Variants in SCN7A observed in about 807,000 individuals in gnomAD.
SCN7A encodes sodium voltage-gated channel alpha subunit 7.
A neutral mutation model predicts 155.2 loss-of-function variants in SCN7A; 138 were observed. The observed-to-expected ratio is 0.89, with a 90% confidence interval of 0.77 to 1.02. The LOEUF (loss-of-function observed/expected upper bound fraction) is 1.02. Among genes scored for constraint, SCN7A ranks in the 50% least tolerant of loss-of-function variants. The pLI, the probability that SCN7A is intolerant of heterozygous loss-of-function variation, is 0.00. For synonymous variants in SCN7A, 693 were observed against 649.0 expected (o/e 1.07, Z -1.03); for missense variants, 2,058 against 1,986.6 (o/e 1.04, Z -0.68).
At chr2:166,479,290 A>C (rs1702869021) in intron 2 of SCN7A, among the ~76,000 whole-genome samples, 4 of 152,152 alleles carry the variant, frequency 2.6e-5, no homozygotes, top group African/African-American at 4.8e-5. Context: ...TAAGATAAGT[A>C]TTTAATATTA....
chr2:166,415,279 C>T (rs1302441202), intron 21 of SCN7A, among the ~76,000 whole-genome samples: 2 of 147,976 alleles, frequency 1.4e-5, no homozygotes, highest in African/African-American at 2.5e-5. Flanking sequence ...GACTGGAGAG[C>T]AGTGGAATGA....
At chr2:166,443,423 T>C in intron 14 of SCN7A, 80 bp downstream of exon 14, 1 of 1,202,588 alleles carries the variant, frequency 8.3e-7, no homozygotes, top group South Asian at 1.4e-5. Flanking sequence ...GGGATAGGTA[T>C]TACTGTAACC....
chr2:166,418,921 TG>T (rs1701448943), intron 20 of SCN7A, among the ~76,000 whole-genome samples: 2 of 152,106 alleles, frequency 1.3e-5, no homozygotes, highest in Admixed American at 1.3e-4. Flanking sequence ...CTTCCAGAGG[TG>T]GAGATGAGGC....
chr2:166,482,463 C>G (rs1341568402), intron 2 of SCN7A, among the ~76,000 whole-genome samples: 1 of 151,700 alleles, frequency 6.6e-6, no homozygotes, highest in Non-Finnish European at 1.5e-5. Flanking sequence ...TTCATTTTGC[C>G]ACCCCCCAGC....
chr2:166,464,169 T>TC (rs1702476390), intron 9 of SCN7A, among the ~76,000 whole-genome samples: 1 of 150,054 alleles, frequency 6.7e-6, no homozygotes, highest in African/African-American at 2.4e-5. Flanking sequence ...CACATATGTG[T>TC]GTATATATAT....
At chr2:166,457,871 C>T (rs1358890133) in intron 10 of SCN7A, among the ~76,000 whole-genome samples, 3 of 151,924 alleles carry the variant, frequency 2.0e-5, no homozygotes, top group African/African-American at 7.3e-5. Flanking sequence ...TTTAAGGAAA[C>T]AAATGAGAAA....
Position 166,409,724 on chromosome 2 carries a change from A to G in SCN7A, c.3923T>C (p.Phe1308Ser), listed in dbSNP as rs1373411574. Reference sequence around the variant, plus strand: ...AATGTTCCACGCAATGGTGAAATAAAAACAACGGAAAGCGATGAGCTTCAG... The same window carrying G: ...AATGTTCCACGCAATGGTGAAATAAGAACAACGGAAAGCGATGAGCTTCAG... ...CILKLIAFRC[F>S]YFTIAWNIFD... The change falls in exon 25 of 26, where the codon TTT becomes TCT. Residue 1308 changes from phenylalanine to serine, a missense_variant. Coordinates refer to ENST00000643258, the MANE Select transcript of SCN7A (RefSeq NM_002976.4). 2 of 1,546,866 alleles carry G rather than the reference A, an allele frequency of 1.3e-6. No homozygotes were observed. The highest frequency in any genetic ancestry group is 1.7e-6 in the Non-Finnish European group (2 of 1,145,978).
At chr2:166,470,739 A>G (rs767398415) in intron 6 of SCN7A, 33 bp from the exon 7 acceptor site, 44 of 1,555,394 alleles carry the variant, frequency 2.8e-5, no homozygotes, top group Non-Finnish European at 3.6e-5. Flanking sequence ...CTTAAAAGTC[A>G]TATTACATCT....
At chr2:166,445,667 CG>C (rs1553517801) in intron 12 of SCN7A, among the ~76,000 whole-genome samples, 1 of 152,090 alleles carries the variant, frequency 6.6e-6, no homozygotes, top group Non-Finnish European at 1.5e-5. Flanking sequence ...CTAATCATCT[CG>C]GTGTGAGACA....
intron 21 of SCN7A, 94 bp downstream of exon 21, chr2:166,416,613 C>G: frequency 5.5e-6 from 6 of 1,100,768 alleles, no homozygotes; most frequent in Non-Finnish European, 7.7e-6. Flanking sequence ...ATTTTATAAC[C>G]AAATGTATTA....
rs148715564 is a variant in SCN7A at position 166,432,502 on chromosome 2, T to A, written c.2408A>T (p.Asp803Val). The change falls in exon 16 of 26, where the codon GAT (aspartate) becomes GTT (valine). Residue 803 changes from aspartate (D) to valine (V), a missense_variant. Physicochemically the swap from Asp to Val is radical, Grantham distance 152 (BLOSUM62 -3). Transcript: ENST00000643258. ...HTLSELSNTQDFLKDKEKSSG... is the reference protein window; with the variant it reads ...HTLSELSNTQVFLKDKEKSSG... ...GCTTTTTTCCTTATCTTTGAGAAAA[T>A]CTTGGGTGTTGCTCAATTCAGAAAG... 2.6e-3 allele frequency: 4,125 copies of A among 1,613,710 alleles called. 32 individuals carry two copies. Among genetic ancestry groups the A allele is most frequent in the Middle Eastern group, 0.025 (150 of 6,062 alleles).
chr2:166,426,849 T>C (rs1469027785), intron 18 of SCN7A, among the ~76,000 whole-genome samples: 1 of 152,016 alleles, frequency 6.6e-6, no homozygotes, highest in Non-Finnish European at 1.5e-5. Flanking sequence ...TCAATATGTG[T>C]GGTAAATAAC....
In SCN7A at chr2:166,441,425, G is replaced by A. The variant is rs2105433295; in HGVS notation, c.2128C>T (p.Leu710=). The change falls in exon 15 of 26, where the codon CTG becomes TTG. Residue 710 remains leucine, a synonymous_variant. Transcript: ENST00000643258. The part of the protein sequence containing the change: ...AGQSWCIPFY[L]MVILIGNLLV... Reference sequence around the variant, plus strand: ...AAATTTCCAATTAAAATGACCATCAGGTAAAAAGGAATACACCAGGATTGG... The same window carrying A: ...AAATTTCCAATTAAAATGACCATCAAGTAAAAAGGAATACACCAGGATTGG... 4 of 1,598,640 alleles carry A rather than the reference G, an allele frequency of 2.5e-6. No individual in the cohort carries two copies. The highest frequency in any genetic ancestry group is 1.3e-5 in the African/African-American group (1 of 74,332).
At chr2:166,426,613 C>A (rs985320820) in intron 18 of SCN7A, among the ~76,000 whole-genome samples, 5 of 152,036 alleles carry the variant, frequency 3.3e-5, no homozygotes, top group Admixed American at 1.3e-4. Context: ...AGAAGAAATA[C>A]AAAAGTAACA....
intron 21 of SCN7A, among the ~76,000 whole-genome samples, chr2:166,415,051 T>C (rs1166232602): frequency 4.2e-5 from 6 of 143,172 alleles, no homozygotes; most frequent in African/African-American, 1.5e-4. Flanking sequence ...ATAGGATATA[T>C]ATATCCTATT....
chr2:166,490,023 C>T (rs990752596), intron 1 of SCN7A, among the ~76,000 whole-genome samples: 8 of 151,450 alleles, frequency 5.3e-5, no homozygotes, highest in Admixed American at 2.0e-4. Context: ...TATATATGTA[C>T]GTATACACAA....
intron 10 of SCN7A, among the ~76,000 whole-genome samples, chr2:166,461,249 T>G (rs572472076): frequency 6.6e-6 from 1 of 152,204 alleles, no homozygotes; most frequent in South Asian, 2.1e-4. Flanking sequence ...AAGCATGGAC[T>G]GGATGTGTAT....
At chr2:166,468,297 CAG>C (rs1349334897) in intron 7 of SCN7A, among the ~76,000 whole-genome samples, 1 of 152,006 alleles carries the variant, frequency 6.6e-6, no homozygotes, top group Non-Finnish European at 1.5e-5. Context: ...TTCACACAAA[CAG>C]AGAGTTGAGA....
At chr2:166,470,779 A>C in intron 6 of SCN7A, 73 bp from the exon 7 acceptor site, 2 of 1,305,460 alleles carry the variant, frequency 1.5e-6, no homozygotes, top group Non-Finnish European at 2.1e-6. Flanking sequence ...TTTTATGGTT[A>C]TTGAAACTTA....
Sources: gnomAD v4.1 joint callset for allele counts (sites outside exome capture counted in the v4.1 genomes callset) on GRCh38, gnomAD v4.1.1 for gene constraint, MANE v1.5 for transcripts, NCBI Gene and HGNC (gene_info 2026-07-23, HGNC 2026-07-21) for gene names.